The following MECOM variants were observed in gnomAD, a reference collection of about 807,000 sequenced individuals.
MECOM encodes MDS1 and EVI1 complex locus, also known as histone-lysine N-methyltransferase MECOM.
A neutral mutation model predicts 116.3 loss-of-function variants in MECOM; 13 were observed. The ratio of observed to expected loss-of-function variants is 0.11; its 90% CI spans 0.07 to 0.18. The LOEUF is 0.18. Ranked by LOEUF, MECOM falls within the 10% of genes least tolerant of loss-of-function variation. The probability of loss-of-function intolerance (pLI) is 1.00; values close to 1 mark genes in which losing one functional copy is unlikely to be tolerated. For synonymous variants in MECOM, 528 were observed against 535.2 expected, an observed-to-expected ratio of 0.99 and a Z score of 0.19; for missense variants, 1,299 against 1,509.0, an observed-to-expected ratio of 0.86 and a Z score of 2.31.
intron 1 of MECOM, among the ~76,000 whole-genome samples, chr3:169,601,672 C>T (rs1414565238): frequency 3.3e-5 from 5 of 152,204 alleles, no homozygotes; most frequent in East Asian, 1.9e-4. Flanking sequence ...ACAGAACAAC[C>T]TTCCATCTGC....
At chr3:169,545,324 A>C (rs1018183510) in intron 1 of MECOM, among the ~76,000 whole-genome samples, 6 of 152,154 alleles carry the variant, frequency 3.9e-5, no homozygotes, top group Non-Finnish European at 7.4e-5. Context: ...GAAGTTTAAA[A>C]ACCTAACAGA....
intron 2 of MECOM, among the ~76,000 whole-genome samples, chr3:169,329,938 T>C (rs1468969058): frequency 6.6e-6 from 1 of 152,238 alleles, no homozygotes; most frequent in African/African-American, 2.4e-5. Flanking sequence ...GATAGAAGTA[T>C]CCACAAAGTG....
Position 169,145,142 on chromosome 3 carries a change from A to T in MECOM, c.376-1310T>A, listed in dbSNP as rs1419891698. 7 of 585,726 alleles carry T rather than the reference A, an allele frequency of 1.2e-5. No individual in the cohort carries two copies. In the Admixed American group the frequency reaches 2.6e-4, roughly 22 times the overall value. 36.3% of individuals were successfully genotyped at this position (585,726 alleles called of 1,614,324 possible). Reference sequence around the variant, plus strand: ...TCGAACATAAGATAGGGATATTATTAAACACACACACACACACACACACAC... The same window carrying T: ...TCGAACATAAGATAGGGATATTATTTAACACACACACACACACACACACAC... On this transcript the variant is annotated intron_variant, in intron 2 of 16. Coordinates refer to ENST00000651503, the MANE Select transcript of MECOM (RefSeq NM_004991.4).
At chr3:169,530,331 G>A (rs1758464010) in intron 1 of MECOM, among the ~76,000 whole-genome samples, 1 of 152,182 alleles carries the variant, frequency 6.6e-6, no homozygotes, top group Non-Finnish European at 1.5e-5. Flanking sequence ...TCTTTAACAA[G>A]GAGGTAGATC....
At chr3:169,518,151 T>C (rs902585843) in intron 1 of MECOM, among the ~76,000 whole-genome samples, 1 of 151,506 alleles carries the variant, frequency 6.6e-6, no homozygotes, top group Non-Finnish European at 1.5e-5. Flanking sequence ...TCCAGCTACT[T>C]GGGAGGCTGA....
chr3:169,606,185 G>C (rs1017345526), intron 1 of MECOM, among the ~76,000 whole-genome samples: 8 of 152,194 alleles, frequency 5.3e-5, no homozygotes, highest in African/African-American at 1.9e-4. Context: ...GCTGAGGCGG[G>C]TGTATCATCT....
chr3:169,484,125 A>G (rs1270192698), intron 1 of MECOM: 2 of 773,250 alleles, frequency 2.6e-6, no homozygotes. Flanking sequence ...CTAGTAAACA[A>G]AAAGTGATTC....
chr3:169,362,282 A>G (rs369952758), intron 2 of MECOM, among the ~76,000 whole-genome samples: 1 of 151,970 alleles, frequency 6.6e-6, no homozygotes, highest in Non-Finnish European at 1.5e-5. Flanking sequence ...ATGTCCATAA[A>G]GATGAAAAGA....
chr3:169,375,089 C>A (rs1446945584), intron 2 of MECOM, among the ~76,000 whole-genome samples: 2 of 151,838 alleles, frequency 1.3e-5, no homozygotes, highest in Non-Finnish European at 2.9e-5. Context: ...AAGAAGCAAA[C>A]TTGAGGAATG....
At chr3:169,488,860 G>A (rs1185883295) in intron 1 of MECOM, among the ~76,000 whole-genome samples, 1 of 151,808 alleles carries the variant, frequency 6.6e-6, no homozygotes, top group Non-Finnish European at 1.5e-5. Context: ...TACTAGGAAT[G>A]AAATGGAGTA....
chr3:169,632,624 G>A (rs1383051939), intron 1 of MECOM, among the ~76,000 whole-genome samples: 1 of 152,158 alleles, frequency 6.6e-6, no homozygotes, highest in East Asian at 1.9e-4. Flanking sequence ...CCAAGTTTAT[G>A]CTTTTGAGTC....
At chr3:169,640,606 A>T (rs1045771756) in intron 1 of MECOM, among the ~76,000 whole-genome samples, 1 of 152,226 alleles carries the variant, frequency 6.6e-6, no homozygotes, top group Non-Finnish European at 1.5e-5. Flanking sequence ...AGAACTGAAG[A>T]AAAGGATTTT....
chr3:169,646,037 C>T (rs1774136194), intron 1 of MECOM, among the ~76,000 whole-genome samples: 1 of 152,148 alleles, frequency 6.6e-6, no homozygotes, highest in African/African-American at 2.4e-5. Flanking sequence ...ATGATGGCTT[C>T]CAGCTTCATC....
intron 1 of MECOM, among the ~76,000 whole-genome samples, chr3:169,641,323 T>C (rs1773461325): frequency 6.6e-6 from 1 of 152,182 alleles, no homozygotes; most frequent in Admixed American, 6.5e-5. Flanking sequence ...GTCAGTATAC[T>C]GACTGTTCTC....
intron 2 of MECOM, among the ~76,000 whole-genome samples, chr3:169,178,798 A>G (rs913493673): frequency 3.3e-5 from 5 of 152,204 alleles, no homozygotes; most frequent in African/African-American, 1.2e-4. Flanking sequence ...TGTTTTTCTC[A>G]TAACTCTAAA....
At chr3:169,510,416 C>T (rs1305263043) in intron 1 of MECOM, among the ~76,000 whole-genome samples, 1 of 152,226 alleles carries the variant, frequency 6.6e-6, no homozygotes, top group Admixed American at 6.5e-5. Flanking sequence ...CCAAGGATGG[C>T]CTCCATGCTG....
At chr3:169,228,367 G>C (rs1850282) in intron 2 of MECOM, among the ~76,000 whole-genome samples, 126,651 of 152,182 alleles carry the variant, frequency 0.83, 52,749 homozygotes, top group East Asian at 0.87. Context: ...AGTCACTCAT[G>C]ATGCAGGCGT....
intron 2 of MECOM, among the ~76,000 whole-genome samples, chr3:169,322,708 T>C (rs546912774): frequency 6.6e-6 from 1 of 151,006 alleles, no homozygotes; most frequent in South Asian, 2.1e-4. Context: ...ACTGAGAAGC[T>C]CATAAAAGGC....
chr3:169,445,426 G>A (rs1744453997), intron 1 of MECOM, among the ~76,000 whole-genome samples: 1 of 152,222 alleles, frequency 6.6e-6, no homozygotes, highest in South Asian at 2.1e-4. Context: ...CAGCTTCCAA[G>A]TGGCATTGAG....
Sources: allele counts gnomAD v4.1 joint callset (sites outside exome capture counted in the v4.1 genomes callset), GRCh38; gene constraint gnomAD v4.1.1; transcripts MANE v1.5; gene names NCBI Gene and HGNC (gene_info 2026-07-23, HGNC 2026-07-21).